CDH13: variants seen among roughly 807,000 people sequenced by gnomAD.
The protein encoded by CDH13 is cadherin 13, also known as cadherin-13.
In CDH13, 24 loss-of-function variants were observed where a neutral mutation model predicts 63.8. The ratio of observed to expected loss-of-function variants is 0.38; its 90% CI spans 0.27 to 0.53. The LOEUF (loss-of-function observed/expected upper bound fraction) is 0.53. CDH13 is among the 20% of genes least tolerant of loss of function. The probability of loss-of-function intolerance (pLI) is 0.85; values close to 1 mark genes in which losing one functional copy is unlikely to be tolerated. For missense variants in CDH13, 1,049 were observed against 903.1 expected, an observed-to-expected ratio of 1.16 and a Z score of -2.07; for synonymous variants, 503 against 355.3, an observed-to-expected ratio of 1.42 and a Z score of -4.67.
At chr16:82,705,036 AC>A in intron 1 of CDH13, 1 of 418,560 alleles carries the variant, frequency 2.4e-6, no homozygotes, top group Non-Finnish European at 4.7e-6. Flanking sequence ...GGGAAAATAA[AC>A]GGTTTCTTCT....
At chr16:83,488,248 G>GGGCA in intron 7 of CDH13, among the ~76,000 whole-genome samples, 1 of 152,290 alleles carries the variant, frequency 6.6e-6, no homozygotes, top group African/African-American at 2.4e-5. Context: ...AGGTTCTACT[G>GGGCA]GGCAACAATG....
chr16:82,852,767 G>C (rs2039545069), intron 1 of CDH13, among the ~76,000 whole-genome samples: 1 of 152,206 alleles, frequency 6.6e-6, no homozygotes. Context: ...GAGAAGGAAA[G>C]CTTGGAGAGG....
At chr16:82,766,710 C>T (rs1448548626) in intron 1 of CDH13, among the ~76,000 whole-genome samples, 3 of 152,064 alleles carry the variant, frequency 2.0e-5, no homozygotes, top group South Asian at 4.2e-4. Flanking sequence ...TATCATTATC[C>T]AAATAAATAC....
chr16:83,495,771 A>C (rs1023591786), intron 7 of CDH13, among the ~76,000 whole-genome samples: 1 of 152,176 alleles, frequency 6.6e-6, no homozygotes, highest in African/African-American at 2.4e-5. Flanking sequence ...CTTGTAGAGC[A>C]TGATTCCCCA....
intron 5 of CDH13, among the ~76,000 whole-genome samples, chr16:83,338,183 T>TAAA (rs1408439057): frequency 0.031 from 1,725 of 56,396 alleles, 37 homozygotes; most frequent in African/African-American, 0.11. Flanking sequence ...CCTCTTCTTT[T>TAAA]TAAAAAAAAA....
intron 10 of CDH13, among the ~76,000 whole-genome samples, chr16:83,681,584 C>A (rs964718867): frequency 2.0e-5 from 3 of 152,136 alleles, no homozygotes; most frequent in Admixed American, 6.5e-5. Flanking sequence ...TCCCTCCTAC[C>A]CACCTTTCCC....
rs114319310 is a variant in CDH13, at chr16:83,520,295, G to A, written c.960+33640G>A. 6.0e-3 allele frequency among the ~76,000 whole-genome samples: 921 copies of A among 152,250 alleles called. 5 individuals carry two copies. The highest frequency in any genetic ancestry group is 0.02 in the African/African-American group (811 of 41,540). ...AAAGTACATTTTGTATGATTCCATC[G>A]TTTATGAAGTTCAAGAAAAAACAAA... On this transcript the variant is annotated intron_variant, in intron 7 of 13. Coordinates refer to ENST00000567109, the MANE Select transcript of CDH13 (RefSeq NM_001257.5).
intron 6 of CDH13, among the ~76,000 whole-genome samples, chr16:83,411,665 G>A (rs1276437021): frequency 6.6e-6 from 1 of 152,122 alleles, no homozygotes; most frequent in South Asian, 2.1e-4. Flanking sequence ...TGCCCTTATA[G>A]GTCATGTAGT....
intron 1 of CDH13, chr16:82,825,432 C>CAA (rs138961535): frequency 6.6e-6 from 1 of 151,050 alleles, no homozygotes; most frequent in African/African-American, 2.4e-5. Flanking sequence ...CTTGATACTT[C>CAA]AAAAAAACAA....
chr16:83,783,425 G>A lies in CDH13; in HGVS notation c.2087G>A (p.Arg696His), dbSNP rs1465064303. The A allele has an allele frequency of 5.6e-6, 9 of 1,613,972 alleles. No homozygotes were observed. Among genetic ancestry groups the A allele is most frequent in the Admixed American group, 1.7e-5 (1 of 60,026 alleles). The change falls in exon 13 of 14, where the codon CGC (arginine) becomes CAC (histidine). Residue 696 changes from arginine (R) to histidine (H), a missense_variant. Coordinates refer to ENST00000567109, the MANE Select transcript of CDH13 (RefSeq NM_001257.5). ...GACTGCAACGCGGCAGGGGCCCTGC[G>A]CTTCAGCCTGCCCTCAGTCCTGCTC... ...KVDCNAAGAL[R>H]FSLPSVLLLS...
At chr16:82,758,777 C>G (rs143749372) in intron 1 of CDH13, among the ~76,000 whole-genome samples, 9 of 152,256 alleles carry the variant, frequency 5.9e-5, no homozygotes, top group Non-Finnish European at 1.2e-4. Flanking sequence ...CATGATTAGC[C>G]CAATGAACAT....
chr16:83,645,443 A>G (rs770083630), intron 8 of CDH13, among the ~76,000 whole-genome samples: 52 of 152,292 alleles, frequency 3.4e-4, no homozygotes, highest in Non-Finnish European at 5.4e-4. Context: ...AAAACCACCT[A>G]TCAGGTACAG....
intron 6 of CDH13, among the ~76,000 whole-genome samples, chr16:83,350,519 C>G (rs1422617994): frequency 6.6e-6 from 1 of 151,458 alleles, no homozygotes; most frequent in Non-Finnish European, 1.5e-5. Context: ...AAAGCCCAGC[C>G]ACTTTCCCTC....
At chr16:83,030,631 A>G (rs538922988) in intron 2 of CDH13, among the ~76,000 whole-genome samples, 223 of 119,302 alleles carry the variant, frequency 1.9e-3, no homozygotes, top group Non-Finnish European at 3.2e-3. Context: ...TGACAGAGCA[A>G]GACTCTGTTA....
chr16:83,333,601 T>G (rs2090523443), intron 5 of CDH13, among the ~76,000 whole-genome samples: 1 of 152,220 alleles, frequency 6.6e-6, no homozygotes, highest in African/African-American at 2.4e-5. Flanking sequence ...AAGCTTTGTT[T>G]AGTATTTCTA....
At chr16:83,624,627 C>T (rs1369508222) in intron 8 of CDH13, among the ~76,000 whole-genome samples, 1 of 152,116 alleles carries the variant, frequency 6.6e-6, no homozygotes, top group African/African-American at 2.4e-5. Flanking sequence ...ACAGGATGCT[C>T]ACCTCCTGCT....
At chr16:83,150,659 A>G (rs1378553024) in intron 4 of CDH13, among the ~76,000 whole-genome samples, 2 of 152,134 alleles carry the variant, frequency 1.3e-5, no homozygotes, top group South Asian at 2.1e-4. Flanking sequence ...CTCACTTACT[A>G]TACTTTTTGT....
intron 4 of CDH13, among the ~76,000 whole-genome samples, chr16:83,134,377 A>T (rs746480791): frequency 6.6e-6 from 1 of 151,926 alleles, no homozygotes. Context: ...TTTAGGAGAG[A>T]TGAGCTTTCA....
intron 1 of CDH13, among the ~76,000 whole-genome samples, chr16:82,660,014 A>T (rs1213587563): frequency 6.6e-6 from 1 of 152,256 alleles, no homozygotes; most frequent in African/African-American, 2.4e-5. Context: ...ATATCTGCTC[A>T]CTGGAAAATG....
Sources: gnomAD v4.1 joint callset for allele counts (sites outside exome capture counted in the v4.1 genomes callset) on GRCh38, gnomAD v4.1.1 for gene constraint, MANE v1.5 for transcripts, NCBI Gene and HGNC (gene_info 2026-07-23, HGNC 2026-07-21) for gene names.